Variants in RPL31 observed in about 807,000 individuals in gnomAD.
RPL31 encodes the protein large ribosomal subunit protein eL31.
For missense variants in RPL31, 95 were observed against 164.0 expected (o/e 0.58, Z 2.30); for synonymous variants, 51 against 55.0 (o/e 0.93, Z 0.32).
At chr2:101,017,896 C>A (rs1679772214) in intron 4 of RPL31, 1 of 1,550,882 alleles carries the variant, frequency 6.4e-7, no homozygotes, top group African/African-American at 1.4e-5. Flanking sequence ...CAGATTGTCA[C>A]CATCAGTGAG....
intron 4 of RPL31, chr2:101,017,830 T>C: frequency 6.5e-7 from 1 of 1,550,028 alleles, no homozygotes; most frequent in Non-Finnish European, 8.7e-7. Context: ...ATACTAACAG[T>C]GAAGCAGCTA....
At chr2:101,016,342 A>C (rs1396703197) in intron 4 of RPL31, among the ~76,000 whole-genome samples, 2 of 151,528 alleles carry the variant, frequency 1.3e-5, no homozygotes, top group East Asian at 3.9e-4. Context: ...ATCACTGGCC[A>C]TCAGAGAAAT....
intron 4 of RPL31, 110 bp from the exon 5 acceptor site, chr2:101,006,240 G>C: frequency 2.0e-6 from 3 of 1,526,626 alleles, no homozygotes; most frequent in Non-Finnish European, 1.8e-6. Flanking sequence ...TATCTGGGAT[G>C]TAAAAAGGTT....
At position 101,006,627 on chromosome 2, in the gene RPL31, T is replaced by G; in HGVS notation, c.*246T>G. ...ATACTGAAGGCATATTGTTAATTATTCTACTTGTATGTTTTGCTAATTCTA... is the reference window on the plus strand; with the variant it reads ...ATACTGAAGGCATATTGTTAATTATGCTACTTGTATGTTTTGCTAATTCTA... On this transcript the variant is annotated 3_prime_UTR_variant, in exon 5 of 5. Transcript: ENST00000264258. The G allele has an allele frequency of 2.4e-6, 1 of 420,888 alleles. No individual in the cohort carries two copies. The highest frequency in any genetic ancestry group is 4.2e-6 in the Non-Finnish European group (1 of 239,556). 26.1% of individuals were successfully genotyped at this position (420,888 alleles called of 1,614,324 possible).
intron 4 of RPL31, among the ~76,000 whole-genome samples, chr2:101,015,110 T>C (rs1182733400): frequency 6.6e-6 from 1 of 152,196 alleles, no homozygotes; most frequent in Non-Finnish European, 1.5e-5. Context: ...GCCTATAAAG[T>C]CTGTTGTTCC....
chr2:101,019,562 TAAA>T (rs1477153582), exon 5 of RPL31: 1 of 152,846 alleles, frequency 6.5e-6, no homozygotes, highest in Non-Finnish European at 1.5e-5. Context: ...AAACATACAC[TAAA>T]AAATAATACA....
At chr2:101,014,802 G>C (rs1679491574) in intron 4 of RPL31, among the ~76,000 whole-genome samples, 1 of 152,186 alleles carries the variant, frequency 6.6e-6, no homozygotes, top group African/African-American at 2.4e-5. Context: ...TGACCAAAAA[G>C]TGAAGAATCA....
chr2:101,006,194 G>C, intron 4 of RPL31, 123 bp downstream of exon 4: 2 of 1,508,948 alleles, frequency 1.3e-6, no homozygotes, highest in Non-Finnish European at 1.8e-6. Context: ...TAAATTGTTG[G>C]TGTGGGAAGA....
intron 3 of RPL31, chr2:101,005,690 G>C: frequency 2.3e-6 from 1 of 442,132 alleles, no homozygotes; most frequent in Non-Finnish European, 4.0e-6. Context: ...GGACCATTTG[G>C]ACCCAGATAT....
intron 3 of RPL31, 39 bp from the exon 4 acceptor site, chr2:101,005,920 G>C (rs746581279): frequency 6.5e-7 from 1 of 1,545,836 alleles, no homozygotes; most frequent in Non-Finnish European, 8.9e-7. Context: ...TGGTTGAAAG[G>C]AGGCATTGAC....
chr2:101,004,961 T>C (rs1380531076), intron 3 of RPL31: 2 of 152,466 alleles, frequency 1.3e-5, no homozygotes, highest in Admixed American at 6.5e-5. Flanking sequence ...TGTGGACTAG[T>C]TGATTCTGGA....
intron 4 of RPL31, 99 bp from the exon 5 acceptor site, chr2:101,006,251 G>T: frequency 6.5e-7 from 1 of 1,539,840 alleles, no homozygotes; most frequent in Non-Finnish European, 8.7e-7. Flanking sequence ...TAAAAAGGTT[G>T]TGGAAAATAG....
chr2:101,009,032 G>C (rs1174399759), downstream of RPL31, among the ~76,000 whole-genome samples: 3 of 152,158 alleles, frequency 2.0e-5, no homozygotes, highest in African/African-American at 7.2e-5. Context: ...CTGAAATTGA[G>C]AATACGTAAT....
At chr2:101,011,283 C>A (rs1679188597), downstream of RPL31, 1 of 748,242 alleles carries the variant, frequency 1.3e-6, no homozygotes, top group Admixed American at 2.8e-5. Context: ...CCCAGCAACA[C>A]CCCCACTAGG....
At chr2:101,019,053 G>A in exon 5 of RPL31, 7 of 1,609,342 alleles carry the variant, frequency 4.3e-6, no homozygotes, top group Non-Finnish European at 5.1e-6. Flanking sequence ...AGCCCTCCTG[G>A]AAGTGGATGA....
intron 3 of RPL31, 86 bp from the exon 4 acceptor site, chr2:101,005,873 A>AG (rs1678712349): frequency 1.8e-6 from 2 of 1,103,390 alleles, no homozygotes; most frequent in East Asian, 5.0e-5. Context: ...CATTAGAAGC[A>AG]GGCATATGAG....
At chr2:101,014,128 C>T (rs982940611) in intron 4 of RPL31, among the ~76,000 whole-genome samples, 2 of 152,064 alleles carry the variant, frequency 1.3e-5, no homozygotes, top group Non-Finnish European at 2.9e-5. Flanking sequence ...GATTTGGATA[C>T]CAGGAATCTT....
At chr2:101,005,598 C>T (rs944673659) in intron 3 of RPL31, 22 of 233,756 alleles carry the variant, frequency 9.4e-5, no homozygotes, top group Non-Finnish European at 5.0e-5. Flanking sequence ...GGGCAAGCCA[C>T]CATGCCGTTT....
intron 1 of RPL31, 156 bp downstream of exon 1, chr2:101,002,471 TGAGG>T: frequency 1.7e-6 from 1 of 577,900 alleles, no homozygotes; most frequent in South Asian, 2.1e-5. Context: ...TCCCAGAGCC[TGAGG>T]AAGAAAGTGA....
Sources: allele counts gnomAD v4.1 joint callset (sites outside exome capture counted in the v4.1 genomes callset), GRCh38; gene constraint gnomAD v4.1.1; transcripts MANE v1.5; gene names NCBI Gene and HGNC (gene_info 2026-07-23, HGNC 2026-07-21).